The following QRICH1 variants were observed in gnomAD, a reference collection of about 807,000 sequenced individuals.
QRICH1 encodes the protein glutamine rich 1.
Under a neutral mutation model 87.1 loss-of-function variants are expected in QRICH1, and 16 were observed. The ratio of observed to expected loss-of-function variants is 0.18; its 90% CI spans 0.12 to 0.28. The LOEUF is 0.28. QRICH1 is among the 10% of genes least tolerant of loss of function. The pLI, the probability that QRICH1 is intolerant of heterozygous loss-of-function variation, is 1.00. For missense variants in QRICH1, 647 were observed against 951.7 expected (o/e 0.68, Z 4.21); for synonymous variants, 367 against 368.4 (o/e 1.00, Z 0.05).
intron 3 of QRICH1, among the ~76,000 whole-genome samples, chr3:49,048,836 G>A (rs1397401808): frequency 6.7e-6 from 1 of 149,698 alleles, no homozygotes; most frequent in Non-Finnish European, 1.5e-5. Flanking sequence ...CTCACACTTG[G>A]GCCTTATCTC....
intron 3 of QRICH1, among the ~76,000 whole-genome samples, chr3:49,056,313 T>C (rs1156619468): frequency 4.6e-5 from 7 of 152,220 alleles, no homozygotes; most frequent in East Asian, 3.9e-4. Flanking sequence ...TCCCACCACA[T>C]AGACGGCATA....
intron 5 of QRICH1, 37 bp downstream of exon 5, chr3:49,046,388 C>G: frequency 6.3e-7 from 1 of 1,578,216 alleles, no homozygotes; most frequent in Non-Finnish European, 8.6e-7. Flanking sequence ...AATAGGAACA[C>G]AGCTCAAACA....
intron 3 of QRICH1, among the ~76,000 whole-genome samples, chr3:49,055,566 T>C (rs1208417596): frequency 1.3e-5 from 2 of 152,218 alleles, no homozygotes; most frequent in East Asian, 3.8e-4. Context: ...TCTTCCTATA[T>C]TGCCCAGGCT....
intron 1 of QRICH1, among the ~76,000 whole-genome samples, chr3:49,080,516 C>A (rs1258005898): frequency 6.6e-6 from 1 of 151,516 alleles, no homozygotes; most frequent in Non-Finnish European, 1.5e-5. Context: ...TAAAAAAAAA[C>A]AAGAAAAAAG....
chr3:49,092,606 C>T (rs1035247268), intron 1 of QRICH1: 1 of 152,104 alleles, frequency 6.6e-6, no homozygotes, highest in African/African-American at 2.4e-5. Context: ...CTCTTAGCTT[C>T]CTATTCCTTA....
At position 49,057,441 on chromosome 3, in the gene QRICH1, G is replaced by A. The variant is rs1397847170; in HGVS notation, c.759C>T (p.Pro253=). ...QPVKKRKVDM[P]ITVSYAISGQ... ...CTGAGATGGCGTAGGACACAGTGAT[G>A]GGCATGTCCACTTTGCGCTTCTTCA... The change falls in exon 3 of 10, where the codon CCC becomes CCT. Residue 253 remains proline (P), a synonymous_variant. Coordinates refer to ENST00000395443, the MANE Select transcript of QRICH1 (RefSeq NM_198880.3). This position sits in a 1 kb window ranked among gnomAD's most constrained non-coding sequence, Gnocchi z 5.4. The A allele has an allele frequency of 1.9e-6, 3 of 1,613,932 alleles. No individual in the cohort carries two copies. Among genetic ancestry groups the A allele is most frequent in the East Asian group, 2.2e-5 (1 of 44,892 alleles).
At position 49,032,529 on chromosome 3, in the gene QRICH1, C is replaced by G. The variant is rs149102325; in HGVS notation, c.2047+93G>C. On this transcript the variant is annotated intron_variant, in intron 8 of 9. Transcript: ENST00000395443. ...GAGAATTTTATCCAGCAAATCCCAA[C>G]CTTTACACTTATCACTAGCCTCACA... 1,388 of 1,432,792 alleles carry G rather than the reference C, an allele frequency of 9.7e-4. 11 individuals are homozygous for G. In the African/African-American group the frequency reaches 0.018, roughly 18 times the overall value. 88.8% of individuals were successfully genotyped at this position (1,432,792 alleles called of 1,614,324 possible).
intron 2 of QRICH1, among the ~76,000 whole-genome samples, chr3:49,067,708 C>T (rs185046054): frequency 3.4e-4 from 52 of 152,086 alleles, no homozygotes; most frequent in African/African-American, 1.1e-3. Context: ...AGGCCAGGCG[C>T]GGTGGCTCAG....
intron 3 of QRICH1, among the ~76,000 whole-genome samples, chr3:49,049,883 C>G (rs979569069): frequency 2.6e-5 from 4 of 151,994 alleles, no homozygotes; most frequent in African/African-American, 9.7e-5. Flanking sequence ...TTTTGAAAGG[C>G]AAGAACTGAG....
At chr3:49,093,746 G>T in intron 1 of QRICH1, 166 bp downstream of exon 1, 1 of 308,838 alleles carries the variant, frequency 3.2e-6, no homozygotes, top group Non-Finnish European at 5.9e-6. Context: ...CCCATCCACA[G>T]GGCGGGGTGC....
chr3:49,056,825 A>C, intron 3 of QRICH1, 37 bp downstream of exon 3: 2 of 1,613,958 alleles, frequency 1.2e-6, no homozygotes, highest in Non-Finnish European at 1.7e-6. Flanking sequence ...GCCCTGAGGG[A>C]CCAGGCTGCC....
intron 1 of QRICH1, among the ~76,000 whole-genome samples, chr3:49,087,257 CAAAAA>C (rs960260047): frequency 2.7e-5 from 4 of 146,678 alleles, no homozygotes; most frequent in African/African-American, 1.0e-4. Context: ...AACTCTGTCT[CAAAAA>C]AATAAAATAA....
intron 6 of QRICH1, among the ~76,000 whole-genome samples, chr3:49,043,496 CAAAAA>C (rs57402124): frequency 2.4e-4 from 9 of 37,628 alleles, no homozygotes; most frequent in Non-Finnish European, 4.3e-4. Context: ...AACTCTGTCT[CAAAAA>C]AAAAAAAAAA....
intron 6 of QRICH1, among the ~76,000 whole-genome samples, chr3:49,038,887 T>C (rs2093292734): frequency 6.6e-6 from 1 of 151,884 alleles, no homozygotes; most frequent in Non-Finnish European, 1.5e-5. Flanking sequence ...ATTATCCGGG[T>C]GTGGCAGCAT....
chr3:49,090,951 G>A (rs931556989), intron 1 of QRICH1, among the ~76,000 whole-genome samples: 1 of 152,030 alleles, frequency 6.6e-6, no homozygotes, highest in Non-Finnish European at 1.5e-5. Context: ...GGCCAGGCGC[G>A]GTGGCTCACG....
In QRICH1 at chr3:49,030,463, T is replaced by C; in HGVS notation, c.2320A>G (p.Thr774Ala). Reference protein sequence around the residue: ...QEAIAVANASTMH With the variant: ...QEAIAVANASAMH ...ATGGCCAAGGCATCTCAGTGCATAGTGCTTGCATTGGCCACTGCGATGGCC... is the reference window on the plus strand; with the variant it reads ...ATGGCCAAGGCATCTCAGTGCATAGCGCTTGCATTGGCCACTGCGATGGCC... Residue 774 changes from threonine to alanine, a missense_variant, in exon 10 of 10, where the codon ACT (threonine) becomes GCT (alanine). Transcript: ENST00000395443. The C allele has an allele frequency of 1.2e-6, 2 of 1,613,352 alleles. No individual in the cohort carries two copies. Among genetic ancestry groups the C allele is most frequent in the Non-Finnish European group, 8.5e-7 (1 of 1,180,002 alleles).
chr3:49,038,283 G>A (rs1460549238), intron 6 of QRICH1, among the ~76,000 whole-genome samples: 4 of 151,428 alleles, frequency 2.6e-5, no homozygotes, highest in South Asian at 4.2e-4. Flanking sequence ...GGATGGTCTC[G>A]ATCTCCTGAA....
intron 9 of QRICH1, 96 bp from the exon 10 acceptor site, chr3:49,030,740 G>T (rs935120542): frequency 7.2e-6 from 8 of 1,106,934 alleles, no homozygotes; most frequent in Non-Finnish European, 1.0e-5. Flanking sequence ...AAACAGTAAG[G>T]CCCCAAGTTA....
In QRICH1 at chr3:49,041,337, ATATG is replaced by A. The variant is rs1181512764; in HGVS notation, c.1786+3049_1786+3052del. ...GGTGAGGTATCTGGTCAGATATTTAATATGTGTGTGTGTGTGTGTGTGTGTTTTA... is the reference window on the plus strand; with the variant it reads ...GGTGAGGTATCTGGTCAGATATTTAATGTGTGTGTGTGTGTGTGTGTTTTA... On this transcript the variant is annotated intron_variant, in intron 6 of 9. Coordinates refer to ENST00000395443, the MANE Select transcript of QRICH1 (RefSeq NM_198880.3). Among the ~76,000 whole-genome samples the A allele has an allele frequency of 1.1e-4, 10 of 91,364 alleles. 1 individual carries two copies. In the South Asian group the frequency reaches 7.2e-3, roughly 66 times the overall value. 59.9% of individuals were successfully genotyped at this position (91,364 alleles called of 152,430 possible). A position where few individuals can be genotyped will look rare whatever the true frequency, so the allele number is the denominator to read the frequency against.
Sources: gnomAD v4.1 joint callset for allele counts (sites outside exome capture counted in the v4.1 genomes callset) on GRCh38, gnomAD v4.1.1 for gene constraint, Gnocchi (gnomAD v3.1) non-coding constraint, MANE v1.5 for transcripts, NCBI Gene and HGNC (gene_info 2026-07-23, HGNC 2026-07-21) for gene names.